GRIA3: variants seen among roughly 807,000 people sequenced by gnomAD.
GRIA3 encodes glutamate receptor 3.
A neutral mutation model predicts 63.0 loss-of-function variants in GRIA3; 3 were observed. The ratio of observed to expected loss-of-function variants is 0.05; its 90% CI spans 0.02 to 0.12. The LOEUF is 0.12. Ranked by LOEUF, GRIA3 falls within the 10% of genes least tolerant of loss-of-function variation. GRIA3 has a pLI of 1.00. For synonymous variants in GRIA3, 274 were observed against 257.9 expected, an observed-to-expected ratio of 1.06 and a Z score of -0.60; for missense variants, 347 against 700.9, an observed-to-expected ratio of 0.50 and a Z score of 5.70.
At chrX:123,370,045 T>C in intron 5 of GRIA3, among the ~76,000 whole-genome samples, 1 of 111,709 alleles carries the variant, frequency 9.0e-6, no homozygotes, top group Middle Eastern at 4.6e-3. Context: ...GTCTTTATAG[T>C]GTTGAGTGGG....
At chrX:123,363,303 C>T (rs910886929) in intron 5 of GRIA3, among the ~76,000 whole-genome samples, 2 of 112,167 alleles carry the variant, frequency 1.8e-5, no homozygotes, top group African/African-American at 6.5e-5. Context: ...CTTATCTTGT[C>T]TCTGTTTTCC....
At chrX:123,298,283 T>C (rs1408760563) in intron 3 of GRIA3, among the ~76,000 whole-genome samples, 2 of 111,236 alleles carry the variant, frequency 1.8e-5, no homozygotes, top group African/African-American at 6.5e-5. Flanking sequence ...CAGTTCTGCT[T>C]TTAGGTCTCT....
intron 5 of GRIA3, among the ~76,000 whole-genome samples, chrX:123,363,763 GC>G (rs2045193063): frequency 8.9e-6 from 1 of 112,611 alleles, no homozygotes; most frequent in South Asian, 3.7e-4. Context: ...ATGAAATATA[GC>G]AGAACCTACA....
intron 3 of GRIA3, among the ~76,000 whole-genome samples, chrX:123,306,212 C>T (rs1315816838): frequency 9.0e-6 from 1 of 111,720 alleles, no homozygotes; most frequent in Non-Finnish European, 1.9e-5. Flanking sequence ...TAATATTATA[C>T]AGTCACTACT....
chrX:123,264,165 T>G (rs948620435), intron 3 of GRIA3, among the ~76,000 whole-genome samples: 1 of 111,953 alleles, frequency 8.9e-6, no homozygotes, highest in African/African-American at 3.2e-5. Flanking sequence ...CCTCTGTGTT[T>G]TAAAATAAAA....
intron 2 of GRIA3, among the ~76,000 whole-genome samples, chrX:123,216,161 CTG>C (rs78882391): frequency 1.8e-5 from 2 of 112,282 alleles, no homozygotes; most frequent in Non-Finnish European, 3.8e-5. Flanking sequence ...TTAGGTGAGA[CTG>C]AAATAAATGA....
intron 12 of GRIA3, among the ~76,000 whole-genome samples, chrX:123,452,995 G>A (rs1007099228): frequency 8.9e-6 from 1 of 112,134 alleles, no homozygotes; most frequent in Non-Finnish European, 1.9e-5. Flanking sequence ...ATTCCTCAAG[G>A]ATCTAGAACT....
At chrX:123,380,468 C>A (rs1419616797) in intron 5 of GRIA3, among the ~76,000 whole-genome samples, 1 of 111,817 alleles carries the variant, frequency 8.9e-6, no homozygotes, top group East Asian at 2.8e-4. Context: ...TGTTCATATC[C>A]TTCGCCCACT....
intron 11 of GRIA3, among the ~76,000 whole-genome samples, chrX:123,424,527 C>G (rs1419255823): frequency 1.8e-5 from 2 of 111,613 alleles, no homozygotes; most frequent in African/African-American, 6.5e-5. Context: ...CACACTGATT[C>G]CACTGAAGCT....
chrX:123,417,304 T>C, intron 10 of GRIA3, 98 bp from the exon 11 acceptor site: 2 of 724,042 alleles, frequency 2.8e-6, no homozygotes, highest in Non-Finnish European at 4.3e-6. Context: ...GATTTAGGAC[T>C]TGATATTTTC....
At chrX:123,437,882 A>G (rs1048303549) in intron 12 of GRIA3, among the ~76,000 whole-genome samples, 1 of 111,962 alleles carries the variant, frequency 8.9e-6, no homozygotes, top group African/African-American at 3.2e-5. Context: ...TGCCGTTGTT[A>G]TAACTGTTTT....
intron 2 of GRIA3, among the ~76,000 whole-genome samples, chrX:123,237,305 G>A (rs960558786): frequency 1.8e-5 from 2 of 111,730 alleles, no homozygotes; most frequent in Non-Finnish European, 3.8e-5. Flanking sequence ...GAGAGCCATG[G>A]GGTAGAAAAC....
At chrX:123,404,569 T>G in intron 9 of GRIA3, 139 bp from the exon 10 acceptor site, 2 of 475,687 alleles carry the variant, frequency 4.2e-6, no homozygotes, top group South Asian at 6.5e-5. Context: ...TTAAAGCTCT[T>G]CTGTTTACTA....
At chrX:123,271,396 T>C (rs1252857305) in intron 3 of GRIA3, among the ~76,000 whole-genome samples, 3 of 112,083 alleles carry the variant, frequency 2.7e-5, no homozygotes, top group Non-Finnish European at 5.6e-5. Context: ...GTTGTTACTT[T>C]ACAGATTTTA....
At chrX:123,204,487 T>C (rs1478971383) in intron 2 of GRIA3, 2 of 1,163,753 alleles carry the variant, frequency 1.7e-6, no homozygotes, top group East Asian at 6.5e-5. Context: ...GTGAGCATCA[T>C]GGAGGGAGAA....
chrX:123,451,505 T>TAAAAAAAAAAAAAA (rs56991039), intron 12 of GRIA3, among the ~76,000 whole-genome samples: 4 of 16,193 alleles, frequency 2.5e-4, no homozygotes, highest in Non-Finnish European at 3.2e-4. Context: ...ACTCTGTCTC[T>TAAAAAAAAAAAAAA]AAAAAAAAAA....
intron 15 of GRIA3, among the ~76,000 whole-genome samples, chrX:123,486,227 C>T (rs1434796009): frequency 9.0e-6 from 1 of 110,820 alleles, no homozygotes. Context: ...ATCAGCAAAC[C>T]TTTGTTAGGA....
intron 9 of GRIA3, 72 bp downstream of exon 9, chrX:123,403,591 C>A: frequency 1.4e-6 from 1 of 690,649 alleles, no homozygotes; most frequent in Non-Finnish European, 2.4e-6. Context: ...TATTTTTCCA[C>A]CAGTAGAAAA....
chrX:123,372,379 T>G (rs1346144506), intron 5 of GRIA3, among the ~76,000 whole-genome samples: 4 of 111,841 alleles, frequency 3.6e-5, no homozygotes, highest in Non-Finnish European at 1.9e-5. Context: ...TTCATATAAG[T>G]TTTAGGATTG....
Sources: allele counts gnomAD v4.1 joint callset (sites outside exome capture counted in the v4.1 genomes callset), GRCh38; gene constraint gnomAD v4.1.1; transcripts MANE v1.5; gene names NCBI Gene and HGNC (gene_info 2026-07-23, HGNC 2026-07-21).